The following IVD variants were observed in gnomAD, a reference collection of about 807,000 sequenced individuals.
IVD encodes isovaleryl-CoA dehydrogenase, also known as isovaleryl-CoA dehydrogenase, mitochondrial.
IVD carries 31 observed loss-of-function variants against 51.3 expected under a neutral mutation model. The ratio of observed to expected loss-of-function variants is 0.60; its 90% confidence interval spans 0.45 to 0.81. The LOEUF (loss-of-function observed/expected upper bound fraction) is 0.81, where lower values mean the gene tolerates loss of function less well. Ranked by LOEUF, IVD falls within the 40% of genes least tolerant of loss-of-function variation. The pLI, the probability that IVD is intolerant of heterozygous loss-of-function variation, is 0.00. For synonymous variants in IVD, 205 were observed against 219.4 expected (o/e 0.93, Z 0.58); for missense variants, 475 against 552.0 (o/e 0.86, Z 1.40).
At chr15:40,414,755 C>A (rs548058623) in intron 7 of IVD, 134 bp from the exon 8 acceptor site, 12 of 1,448,280 alleles carry the variant, frequency 8.3e-6, no homozygotes, top group East Asian at 5.2e-5. Context: ...TCACCTGGAA[C>A]CTTAGTTGAA....
intron 1 of IVD, among the ~76,000 whole-genome samples, chr15:40,407,177 C>T (rs919899049): frequency 6.6e-6 from 1 of 152,252 alleles, no homozygotes; most frequent in Non-Finnish European, 1.5e-5. Context: ...AGAGGCGTTT[C>T]TAATCTCTTT....
At chr15:40,430,432 G>A (rs557123746) in intron 7 of IVD, among the ~76,000 whole-genome samples, 119 of 152,304 alleles carry the variant, frequency 7.8e-4, no homozygotes, top group African/African-American at 2.5e-3. Flanking sequence ...TGGCTGGGGC[G>A]GCAACAATAG....
intron 10 of IVD, 45 bp from the exon 11 acceptor site, chr15:40,416,245 C>G: frequency 6.2e-7 from 1 of 1,612,920 alleles, no homozygotes; most frequent in South Asian, 1.1e-5. Flanking sequence ...GACTTGCTGT[C>G]TGCGTGCCTC....
chr15:40,422,154 T>C (rs927123130), downstream of IVD, among the ~76,000 whole-genome samples: 8 of 152,246 alleles, frequency 5.3e-5, no homozygotes, highest in African/African-American at 1.9e-4. Flanking sequence ...CCAGCCTATA[T>C]GGCCTTTGCC....
Position 40,414,919 on chromosome 15 carries a change from G to T in IVD, c.815G>T (p.Gly272Val), listed in dbSNP as rs1213103834. ...AACATCCTGGGCCATGAGAATAAGG[G>T]TGTCTACGTGCTGATGAGTGGGCTG... is the stretch of plus-strand genomic sequence containing the variant. ...AANILGHENKGVYVLMSGLDL... is the reference protein window; with the variant it reads ...AANILGHENKVVYVLMSGLDL... The change falls in exon 8 of 12, where the codon GGT becomes GTT. Residue 272 changes from glycine (G) to valine (V), a missense_variant. Physicochemically the swap from Gly to Val is moderately radical, Grantham distance 109. Coordinates refer to ENST00000487418, the MANE Select transcript of IVD (RefSeq NM_002225.5). 1 of 1,614,164 alleles carries T rather than the reference G, an allele frequency of 6.2e-7. No individual in the cohort carries two copies. Among genetic ancestry groups the T allele is most frequent in the Non-Finnish European group, 8.5e-7 (1 of 1,180,014 alleles).
In IVD at chr15:40,411,607, T is replaced by A; in HGVS notation, c.603T>A (p.Asp201Glu). The change falls in exon 6 of 12, where the codon GAT becomes GAA. Residue 201 changes from aspartate to glutamate, a missense_variant. By Grantham distance (45) the Asp-to-Glu change is conservative. Coordinates refer to ENST00000487418, the MANE Select transcript of IVD (RefSeq NM_002225.5). Reference sequence around the variant, plus strand: ...AGTTCTGGATCACTAATGGCCCTGATGCTGACGTCCTGATTGTCTATGCCA... The same window carrying A: ...AGTTCTGGATCACTAATGGCCCTGAAGCTGACGTCCTGATTGTCTATGCCA... The part of the protein sequence containing the change: ...GNKFWITNGP[D>E]ADVLIVYAKT... The A allele has an allele frequency of 6.2e-7, 1 of 1,614,232 alleles. No homozygotes were observed.
rs1891485630 is a variant in IVD, at chr15:40,414,957, C to T, written c.853C>T (p.Leu285=). Residue 285 remains leucine, a synonymous_variant, in exon 8 of 12, where the codon CTG becomes TTG. Transcript: ENST00000487418. ...GATGAGTGGGCTGGACCTGGAGCGG[C>T]TGGTGCTGGCCGGGGGGCCTCTTGG... ...VLMSGLDLER[L]VLAGGPLGLM... is the part of the protein sequence containing the mutation. The T allele has an allele frequency of 1.2e-6, 2 of 1,614,110 alleles. No homozygotes were observed. Among genetic ancestry groups the T allele is most frequent in the South Asian group, 2.2e-5 (2 of 91,076 alleles).
At chr15:40,408,836 G>A (rs1221123553) in intron 3 of IVD, among the ~76,000 whole-genome samples, 1 of 152,120 alleles carries the variant, frequency 6.6e-6, no homozygotes, top group Non-Finnish European at 1.5e-5. Flanking sequence ...TGTAATCCCA[G>A]CTACTCGGGA....
Position 40,419,048 on chromosome 15 carries a change from A to C in IVD, c.*785A>C. On this transcript the variant is annotated 3_prime_UTR_variant, in exon 12 of 12. Coordinates refer to ENST00000487418, the MANE Select transcript of IVD (RefSeq NM_002225.5). ...TACTTCAGGAGGCTGAGGCAGGAGAATTACTTGAACCCAGGAGGCGGACGT... is the reference window on the plus strand; with the variant it reads ...TACTTCAGGAGGCTGAGGCAGGAGACTTACTTGAACCCAGGAGGCGGACGT... 1 of 802,368 alleles carries C rather than the reference A, an allele frequency of 1.2e-6. No homozygotes were observed. The highest frequency in any genetic ancestry group is 1.8e-6 in the Non-Finnish European group (1 of 552,098). 49.7% of individuals were successfully genotyped at this position (802,368 alleles called of 1,614,324 possible). A position where few individuals can be genotyped will look rare whatever the true frequency, so the allele number is the denominator to read the frequency against.
intron 11 of IVD, among the ~76,000 whole-genome samples, chr15:40,417,704 C>A (rs1310709218): frequency 1.3e-5 from 2 of 152,150 alleles, no homozygotes; most frequent in Non-Finnish European, 2.9e-5. Flanking sequence ...ATCAGCTGTC[C>A]TGATATCAGA....
In IVD at chr15:40,418,408, C is replaced by T; in HGVS notation, c.*145C>T. 1 of 1,562,600 alleles carries T rather than the reference C, an allele frequency of 6.4e-7. No individual in the cohort carries two copies. Among genetic ancestry groups the T allele is most frequent in the Non-Finnish European group, 8.6e-7 (1 of 1,160,412 alleles). On this transcript the variant is annotated 3_prime_UTR_variant, in exon 12 of 12. Coordinates refer to ENST00000487418, the MANE Select transcript of IVD (RefSeq NM_002225.5). ...TCTGGCCTCTGGATGAGGTTGAGTT[C>T]TCCACAACAGCTCCCAAGCATCATG...
intron 7 of IVD, 63 bp from the exon 8 acceptor site, chr15:40,414,826 C>G: frequency 6.2e-7 from 1 of 1,604,180 alleles, no homozygotes; most frequent in Non-Finnish European, 8.5e-7. Context: ...AATCTAGTAC[C>G]TTTGATAAAA....
rs374193700 is a variant in IVD at position 40,416,286 on chromosome 15, G to A, written c.1066-4G>A. The A allele has an allele frequency of 2.0e-5, 32 of 1,614,224 alleles. No individual in the cohort carries two copies. Among genetic ancestry groups the A allele is most frequent in the African/African-American group, 1.1e-4 (8 of 75,070 alleles). On this transcript the variant is annotated splice_polypyrimidine_tract_variant and splice_region_variant and intron_variant, in intron 10 of 11. Transcript: ENST00000487418. ...GCCCTGCTGACCCCAGCTTCCTCCCGTAGGACTGTGCAGGTGTGATTCTTT... is the reference window on the plus strand; with the variant it reads ...GCCCTGCTGACCCCAGCTTCCTCCCATAGGACTGTGCAGGTGTGATTCTTT...
In IVD at chr15:40,407,687, C is replaced by T; in HGVS notation, c.196C>T (p.Gln66Ter). 6.2e-7 allele frequency: 1 copy of T among 1,614,188 alleles called. No individual in the cohort carries two copies. Among genetic ancestry groups the T allele is most frequent in the African/African-American group, 1.3e-5 (1 of 75,048 alleles). ...FLQEHLAPKAQEIDRSNEFKN... is the reference protein window; with the variant it reads ...FLQEHLAPKA ...TCAGGAGCACCTGGCCCCCAAGGCC[C>T]AGGAGATCGATCGCAGCAATGAGTT... The change falls in exon 2 of 12, where the codon CAG (glutamine) becomes TAG (stop). Residue 66 changes from glutamine (Q) to a stop codon, truncating the protein, a stop_gained. Coordinates refer to ENST00000487418, the MANE Select transcript of IVD (RefSeq NM_002225.5). LOFTEE classifies it high-confidence loss of function.
chr15:40,416,975 G>C (rs1891759911), intron 11 of IVD, among the ~76,000 whole-genome samples: 1 of 151,484 alleles, frequency 6.6e-6, no homozygotes, highest in Non-Finnish European at 1.5e-5. Context: ...TGAGGCCAGT[G>C]AATCACCTGA....
downstream of IVD, chr15:40,435,584 A>C: frequency 8.8e-7 from 1 of 1,132,274 alleles, no homozygotes; most frequent in Non-Finnish European, 1.1e-6. Context: ...CTCAGACCAG[A>C]AGCTTCCTTT....
chr15:40,418,640 C>T lies in IVD; in HGVS notation c.*377C>T. ...GTAGGCACCTGGGGGCATGCAGGTA[C>T]CCACCTCTTTCTCTTGGGTGAGGCT... On this transcript the variant is annotated 3_prime_UTR_variant, in exon 12 of 12. Transcript: ENST00000487418. The T allele has an allele frequency of 1.7e-6, 2 of 1,147,478 alleles. No individual in the cohort carries two copies. Among genetic ancestry groups the T allele is most frequent in the African/African-American group, 3.3e-5 (2 of 60,654 alleles). 71.1% of individuals were successfully genotyped at this position (1,147,478 alleles called of 1,614,324 possible). A position where few individuals can be genotyped will look rare whatever the true frequency, so the allele number is the denominator to read the frequency against.
At chr15:40,410,571 ATG>A in intron 3 of IVD, 55 bp from the exon 4 acceptor site, 1 of 1,591,010 alleles carries the variant, frequency 6.3e-7, no homozygotes, top group Non-Finnish European at 8.6e-7. Flanking sequence ...TTCTTAATGA[ATG>A]TCCCGATTTA....
chr15:40,412,879 C>T (rs1595777700), intron 6 of IVD, 112 bp from the exon 7 acceptor site: 1 of 795,478 alleles, frequency 1.3e-6, no homozygotes, highest in East Asian at 2.6e-5. Flanking sequence ...CCATGCTGTG[C>T]AGGTACAGGG....
Sources: gnomAD v4.1 joint callset for allele counts (sites outside exome capture counted in the v4.1 genomes callset) on GRCh38, gnomAD v4.1.1 for gene constraint, MANE v1.5 for transcripts, NCBI Gene and HGNC (gene_info 2026-07-23, HGNC 2026-07-21) for gene names.